TENM2: variants seen among roughly 807,000 people sequenced by gnomAD.
TENM2 encodes teneurin-2.
In TENM2, 52 loss-of-function variants were observed where a neutral mutation model predicts 245.2. The observed-to-expected ratio is 0.21, with a 90% CI of 0.17 to 0.27. The LOEUF (loss-of-function observed/expected upper bound fraction) is 0.27. TENM2 is among the 10% of genes least tolerant of loss of function. The pLI, the probability that TENM2 is intolerant of heterozygous loss-of-function variation, is 1.00. For missense variants in TENM2, 3,046 were observed against 3,666.8 expected (o/e 0.83, Z 4.37); for synonymous variants, 1,363 against 1,438.9 (o/e 0.95, Z 1.19).
chr5:167,698,679 GTTTTTTTTTT>G (rs1225922111), intron 2 of TENM2, among the ~76,000 whole-genome samples: 4 of 97,744 alleles, frequency 4.1e-5, no homozygotes, highest in South Asian at 3.4e-4. Flanking sequence ...TTTGTTTTTT[GTTTTTTTTTT>G]TTTTTTTTTT....
the TENM2 span, among the ~76,000 whole-genome samples, chr5:167,091,833 T>C: frequency 1.3e-5 from 2 of 152,204 alleles, no homozygotes; most frequent in Non-Finnish European, 2.9e-5. Flanking sequence ...AGACACTGAA[T>C]AGCTGTTGGT....
At chr5:167,350,079 G>A (rs920113231) in intron 1 of TENM2, among the ~76,000 whole-genome samples, 3 of 152,044 alleles carry the variant, frequency 2.0e-5, no homozygotes, top group African/African-American at 4.8e-5. Flanking sequence ...TTGTCAACAC[G>A]TGATGCTCCA....
At chr5:167,153,684 C>T in the TENM2 span, among the ~76,000 whole-genome samples, 97 of 147,162 alleles carry the variant, frequency 6.6e-4, no homozygotes, top group Middle Eastern at 7.1e-3. Flanking sequence ...TATATATATA[C>T]ACACACACAC....
At chr5:166,983,344 T>A in the TENM2 span, among the ~76,000 whole-genome samples, 1 of 152,102 alleles carries the variant, frequency 6.6e-6, no homozygotes, top group African/African-American at 2.4e-5. Flanking sequence ...TCAGAAATAG[T>A]TTGCAAGTAA....
intron 13 of TENM2, among the ~76,000 whole-genome samples, chr5:168,184,859 CTAG>C (rs1303336255): frequency 6.6e-6 from 1 of 152,186 alleles, no homozygotes; most frequent in Non-Finnish European, 1.5e-5. Context: ...GCAGAGTACA[CTAG>C]ACAGGGGATT....
intron 2 of TENM2, among the ~76,000 whole-genome samples, chr5:167,479,933 C>T (rs1327129041): frequency 6.6e-6 from 1 of 152,178 alleles, no homozygotes; most frequent in African/African-American, 2.4e-5. Flanking sequence ...GTTTAAAATA[C>T]AGATTTCTGG....
chr5:167,895,040 C>T (rs970231153), intron 3 of TENM2, among the ~76,000 whole-genome samples: 6 of 150,046 alleles, frequency 4.0e-5, no homozygotes, highest in Non-Finnish European at 7.4e-5. Flanking sequence ...GCAGGGAGGA[C>T]GGAAAACTTA....
intron 2 of TENM2, among the ~76,000 whole-genome samples, chr5:167,538,342 A>G (rs1771982913): frequency 1.3e-5 from 2 of 152,220 alleles, no homozygotes; most frequent in Non-Finnish European, 2.9e-5. Flanking sequence ...TTTGAACTTG[A>G]TACAGTTTAA....
At chr5:167,998,175 G>T (rs911019312) in intron 5 of TENM2, among the ~76,000 whole-genome samples, 3 of 152,116 alleles carry the variant, frequency 2.0e-5, no homozygotes, top group Non-Finnish European at 4.4e-5. Context: ...GGAATTGCCT[G>T]GCCATTTTGC....
chr5:167,942,965 T>C (rs1219046038), intron 3 of TENM2, among the ~76,000 whole-genome samples: 1 of 152,080 alleles, frequency 6.6e-6, no homozygotes, highest in Non-Finnish European at 1.5e-5. Context: ...TGTGTGTGCA[T>C]TCTAAAGGCA....
rs1329035969 is a variant in TENM2 at position 167,870,579 on chromosome 5, ATATATATATG to A, written c.503-5395_503-5386del. Among the ~76,000 whole-genome samples the A allele has an allele frequency of 6.8e-5, 9 of 133,222 alleles. No individual in the cohort carries two copies. In the East Asian group the frequency reaches 1.9e-3, roughly 28 times the overall value. 87.4% of individuals were successfully genotyped at this position (133,222 alleles called of 152,430 possible). ...CATATATATATATATATGTGTGTGT[ATATATATATG>A]TATATATATGTGTATATATGTATAT... On this transcript the variant is annotated intron_variant, in intron 2 of 28. Transcript: ENST00000518659.
intron 1 of TENM2, among the ~76,000 whole-genome samples, chr5:167,325,636 A>G (rs1312223321): frequency 6.6e-6 from 1 of 152,188 alleles, no homozygotes; most frequent in Non-Finnish European, 1.5e-5. Flanking sequence ...TATCTTGTGG[A>G]TTTTAGCTTG....
intron 2 of TENM2, among the ~76,000 whole-genome samples, chr5:167,669,704 T>G (rs1755807635): frequency 6.6e-6 from 1 of 152,064 alleles, no homozygotes; most frequent in Admixed American, 6.6e-5. Flanking sequence ...TGATTGTACT[T>G]TACTGGGGAC....
At chr5:167,290,192 T>C (rs1282971014) in intron 1 of TENM2, among the ~76,000 whole-genome samples, 5 of 152,212 alleles carry the variant, frequency 3.3e-5, no homozygotes, top group African/African-American at 1.2e-4. Context: ...TGTTGTTTTA[T>C]ATGGGAGGCA....
intron 3 of TENM2, among the ~76,000 whole-genome samples, chr5:167,936,112 G>A (rs1045526050): frequency 6.6e-6 from 1 of 152,138 alleles, no homozygotes; most frequent in South Asian, 2.1e-4. Context: ...ATGAAAAACC[G>A]CCTTGTATGC....
intron 2 of TENM2, among the ~76,000 whole-genome samples, chr5:167,609,666 G>C (rs922484036): frequency 6.6e-6 from 1 of 152,060 alleles, no homozygotes; most frequent in African/African-American, 2.4e-5. Context: ...GAAGGGGATT[G>C]TTGCGTTAGA....
intron 2 of TENM2, among the ~76,000 whole-genome samples, chr5:167,560,261 G>A (rs557809327): frequency 3.4e-4 from 51 of 152,216 alleles, no homozygotes; most frequent in African/African-American, 1.0e-3. Context: ...AGAGCACTCC[G>A]TCTCTAACCT....
intron 2 of TENM2, among the ~76,000 whole-genome samples, chr5:167,447,902 T>C (rs1765328629): frequency 2.0e-5 from 3 of 151,922 alleles, no homozygotes; most frequent in African/African-American, 7.3e-5. Flanking sequence ...TACTCTGAGA[T>C]TGTGGGCTTG....
intron 2 of TENM2, chr5:167,573,852 A>G (rs559035415): frequency 6.6e-6 from 1 of 151,252 alleles, no homozygotes; most frequent in African/African-American, 2.4e-5. Flanking sequence ...AAAACTAATC[A>G]CTTTCAATAA....
Sources: gnomAD v4.1 joint callset for allele counts (sites outside exome capture counted in the v4.1 genomes callset) on GRCh38, gnomAD v4.1.1 for gene constraint, MANE v1.5 for transcripts, NCBI Gene and HGNC (gene_info 2026-07-23, HGNC 2026-07-21) for gene names.